UHRF2: variants seen among roughly 807,000 people sequenced by gnomAD.
UHRF2 encodes the protein E3 ubiquitin-protein ligase UHRF2.
UHRF2 carries 23 observed loss-of-function variants against 96.8 expected under a neutral mutation model. The observed-to-expected ratio is 0.24, with a 90% CI of 0.17 to 0.34. UHRF2 has a LOEUF of 0.34. Among genes scored for constraint, UHRF2 ranks in the 10% least tolerant of loss-of-function variants. The pLI, the probability that UHRF2 is intolerant of heterozygous loss-of-function variation, is 1.00. For synonymous variants in UHRF2, 385 were observed against 332.6 expected, an observed-to-expected ratio of 1.16 and a Z score of -1.72; for missense variants, 685 against 981.5, an observed-to-expected ratio of 0.70 and a Z score of 4.04.
intron 3 of UHRF2, among the ~76,000 whole-genome samples, chr9:6,434,844 G>A (rs1037047265): frequency 2.6e-5 from 4 of 151,958 alleles, no homozygotes; most frequent in South Asian, 2.1e-4. Context: ...ATGTTTTGGG[G>A]GGTGGGGACC....
At position 6,501,964 on chromosome 9, in the gene UHRF2, C is replaced by G. The variant is rs145831581; in HGVS notation, c.2163+1255C>G. ...AGTTGTCTTCCCTATGGGTAGTGTCCCACTGGGACAGATTCTGACCTTCCT... is the reference window on the plus strand; with the variant it reads ...AGTTGTCTTCCCTATGGGTAGTGTCGCACTGGGACAGATTCTGACCTTCCT... On this transcript the variant is annotated intron_variant, in intron 14 of 15. Coordinates refer to ENST00000276893, the MANE Select transcript of UHRF2 (RefSeq NM_152896.3). 4.9e-3 allele frequency among the ~76,000 whole-genome samples: 747 copies of G among 152,210 alleles called. 24 individuals are homozygous for G. The highest frequency in any genetic ancestry group is 0.046 in the Admixed American group (701 of 15,298).
chr9:6,435,809 A>AT (rs1820813965), intron 3 of UHRF2, among the ~76,000 whole-genome samples: 2 of 152,094 alleles, frequency 1.3e-5, no homozygotes, highest in African/African-American at 2.4e-5. Context: ...GGGTTTCACT[A>AT]TGTTGGCCAC....
At chr9:6,441,021 G>T (rs1197982512) in intron 3 of UHRF2, among the ~76,000 whole-genome samples, 11 of 152,134 alleles carry the variant, frequency 7.2e-5, no homozygotes, top group Non-Finnish European at 1.5e-4. Context: ...GAGAACCACT[G>T]CCTTAGTTCA....
chr9:6,472,154 T>C (rs747393456), intron 4 of UHRF2, among the ~76,000 whole-genome samples: 1 of 152,194 alleles, frequency 6.6e-6, no homozygotes, highest in South Asian at 2.1e-4. Context: ...ATCTGTAGCA[T>C]TGGTCCCAGA....
intron 6 of UHRF2, among the ~76,000 whole-genome samples, chr9:6,479,215 C>T (rs10122116): frequency 0.27 from 41,571 of 152,046 alleles, 7,677 homozygotes; most frequent in African/African-American, 0.52. Context: ...CATTTCCTCT[C>T]CTATTCATAC....
At chr9:6,438,905 T>C (rs774591419) in intron 3 of UHRF2, among the ~76,000 whole-genome samples, 4 of 152,224 alleles carry the variant, frequency 2.6e-5, no homozygotes, top group Non-Finnish European at 4.4e-5. Context: ...TGAGGAATGA[T>C]AGCCATTATA....
intron 4 of UHRF2, 111 bp from the exon 5 acceptor site, chr9:6,475,280 A>G: frequency 3.5e-6 from 2 of 568,512 alleles, no homozygotes; most frequent in Non-Finnish European, 5.9e-6. Flanking sequence ...CTCTAATCTC[A>G]ATTTATAAAT....
intron 2 of UHRF2, among the ~76,000 whole-genome samples, chr9:6,424,750 G>C (rs1321814238): frequency 6.8e-6 from 1 of 146,110 alleles, no homozygotes; most frequent in Non-Finnish European, 1.5e-5. Flanking sequence ...AATCTCCTTT[G>C]ACATTGACTG....
intron 3 of UHRF2, among the ~76,000 whole-genome samples, chr9:6,448,138 G>T (rs553556111): frequency 6.6e-6 from 1 of 152,282 alleles, no homozygotes; most frequent in South Asian, 2.1e-4. Context: ...ATTGGAATTT[G>T]ACAGAGGCTC....
chr9:6,447,390 C>CGTTT, intron 3 of UHRF2, among the ~76,000 whole-genome samples: 1 of 152,080 alleles, frequency 6.6e-6, no homozygotes, highest in Non-Finnish European at 1.5e-5. Context: ...GTACTTGCTC[C>CGTTT]TCAGTGAAAA....
At chr9:6,437,850 T>G (rs1389922274) in intron 3 of UHRF2, among the ~76,000 whole-genome samples, 2 of 152,040 alleles carry the variant, frequency 1.3e-5, no homozygotes, top group Non-Finnish European at 2.9e-5. Context: ...ATTCCTGATC[T>G]CAAACACCCA....
intron 5 of UHRF2, among the ~76,000 whole-genome samples, chr9:6,475,898 C>G (rs1823539124): frequency 6.6e-6 from 1 of 152,112 alleles, no homozygotes. Context: ...CATTCTAAAT[C>G]TATTCTTTTA....
At position 6,504,302 on chromosome 9, in the gene UHRF2, G is replaced by T. The variant is rs536217691; in HGVS notation, c.2164-291G>T. On this transcript the variant is annotated intron_variant, in intron 14 of 15. Transcript: ENST00000276893. ...GGCCTCCCAAAGTGCTGGGATTACA[G>T]GCGTGAGCCACCGCGCCCGGCCTCT... is the stretch of plus-strand genomic sequence containing the variant. 318 of 188,476 alleles carry T rather than the reference G, an allele frequency of 1.7e-3. 1 individual carries two copies. Among genetic ancestry groups the T allele is most frequent in the African/African-American group, 7.2e-3 (303 of 42,116 alleles). 11.7% of individuals were successfully genotyped at this position (188,476 alleles called of 1,614,324 possible).
At chr9:6,432,516 C>T (rs1181378350) in intron 2 of UHRF2, among the ~76,000 whole-genome samples, 1 of 152,192 alleles carries the variant, frequency 6.6e-6, no homozygotes, top group African/African-American at 2.4e-5. Flanking sequence ...CCTAACCTTA[C>T]ATTTCATTAG....
At chr9:6,458,466 T>C (rs1251451540) in intron 3 of UHRF2, among the ~76,000 whole-genome samples, 1 of 152,088 alleles carries the variant, frequency 6.6e-6, no homozygotes, top group Non-Finnish European at 1.5e-5. Flanking sequence ...TTTTTTTTTT[T>C]TGAAGGGTTT....
intron 14 of UHRF2, among the ~76,000 whole-genome samples, chr9:6,503,306 C>T (rs1452994146): frequency 1.3e-5 from 2 of 151,884 alleles, no homozygotes; most frequent in Non-Finnish European, 2.9e-5. Flanking sequence ...TTAACTTTTT[C>T]TATTAATATA....
At chr9:6,431,560 G>C (rs1402772560) in intron 2 of UHRF2, among the ~76,000 whole-genome samples, 1 of 152,000 alleles carries the variant, frequency 6.6e-6, no homozygotes, top group Non-Finnish European at 1.5e-5. Context: ...CATCCAGCCT[G>C]GGCAGCAGAT....
At chr9:6,487,170 T>TA (rs1156643366) in intron 9 of UHRF2, among the ~76,000 whole-genome samples, 1 of 149,240 alleles carries the variant, frequency 6.7e-6, no homozygotes, top group Non-Finnish European at 1.5e-5. Context: ...ATAGAGCTTT[T>TA]ATTTTTTTTT....
chr9:6,503,998 T>A (rs1038907640), intron 14 of UHRF2, among the ~76,000 whole-genome samples: 1 of 151,462 alleles, frequency 6.6e-6, no homozygotes, highest in Admixed American at 6.6e-5. Flanking sequence ...GAGTACTTGA[T>A]TTTTTTAAAT....
Sources: allele counts gnomAD v4.1 joint callset (sites outside exome capture counted in the v4.1 genomes callset), GRCh38; gene constraint gnomAD v4.1.1; transcripts MANE v1.5; gene names NCBI Gene and HGNC (gene_info 2026-07-23, HGNC 2026-07-21).